The following PRKDC variants were observed in gnomAD, a reference collection of about 807,000 sequenced individuals.
The protein encoded by PRKDC is protein kinase, DNA-activated, catalytic subunit.
In PRKDC, 82 loss-of-function variants were observed where a neutral mutation model predicts 486.9. That is an observed-to-expected ratio of 0.17 (90% CI 0.14 to 0.20). The LOEUF is 0.20. PRKDC is among the 10% of genes least tolerant of loss of function. The probability of loss-of-function intolerance (pLI) is 1.00; values close to 1 mark genes in which losing one functional copy is unlikely to be tolerated. For synonymous variants in PRKDC, 1,895 were observed against 1,837.0 expected, an observed-to-expected ratio of 1.03 and a Z score of -0.81; for missense variants, 4,504 against 5,038.2, an observed-to-expected ratio of 0.89 and a Z score of 3.21.
chr8:47,856,540 A>G (rs1189408085), intron 49 of PRKDC, among the ~76,000 whole-genome samples: 1 of 152,130 alleles, frequency 6.6e-6, no homozygotes, highest in Non-Finnish European at 1.5e-5. Context: ...CCGCATGTGT[A>G]TATTATATTT....
At chr8:47,813,297 T>C (rs2087373830) in intron 68 of PRKDC, among the ~76,000 whole-genome samples, 1 of 151,946 alleles carries the variant, frequency 6.6e-6, no homozygotes, top group Non-Finnish European at 1.5e-5. Flanking sequence ...TTTGTATTTT[T>C]AGTAGAGGCA....
intron 51 of PRKDC, among the ~76,000 whole-genome samples, chr8:47,853,029 C>T (rs1400973666): frequency 6.6e-6 from 1 of 152,236 alleles, no homozygotes; most frequent in Non-Finnish European, 1.5e-5. Context: ...TGCAGCTGGA[C>T]CATCCCACAA....
At chr8:47,942,377 G>A (rs1257430628) in intron 10 of PRKDC, among the ~76,000 whole-genome samples, 2 of 152,172 alleles carry the variant, frequency 1.3e-5, no homozygotes, top group East Asian at 1.9e-4. Context: ...AGGGACAGGC[G>A]GCAGAGGCAG....
chr8:47,852,864 T>C, intron 51 of PRKDC, 80 bp from the exon 52 acceptor site: 1 of 942,950 alleles, frequency 1.1e-6, no homozygotes, highest in South Asian at 1.5e-5. Flanking sequence ...ATTTTCCTTC[T>C]CATGTCATAT....
intron 10 of PRKDC, among the ~76,000 whole-genome samples, chr8:47,940,785 C>G (rs1279313191): frequency 2.0e-5 from 3 of 152,130 alleles, no homozygotes; most frequent in African/African-American, 7.2e-5. Flanking sequence ...CAGTAGCAGA[C>G]AGAGGACAGA....
At position 47,862,072 on chromosome 8, in the gene PRKDC, A is replaced by G; in HGVS notation, c.5975T>C (p.Val1992Ala). 1 of 1,551,884 alleles carries G rather than the reference A, an allele frequency of 6.4e-7. No individual in the cohort carries two copies. The highest frequency in any genetic ancestry group is 8.7e-7 in the Non-Finnish European group (1 of 1,146,138). ...IDLKRRYNFP[V>A]EVEVPMERKK... ...GAAAATTTCACTCACCTCAACTTCT[A>G]CAGGAAAATTATAGCGGCGCTTCAG... is the stretch of plus-strand genomic sequence containing the variant. Residue 1992 changes from valine to alanine, a missense_variant, in exon 44 of 86, where the codon GTA (valine) becomes GCA (alanine). Coordinates refer to ENST00000314191, the MANE Select transcript of PRKDC (RefSeq NM_006904.7).
chr8:47,836,961 T>G (rs964605172), intron 57 of PRKDC, among the ~76,000 whole-genome samples: 16 of 152,170 alleles, frequency 1.1e-4, no homozygotes, highest in African/African-American at 3.9e-4. Context: ...AAGCTCAGCA[T>G]CCACTGTGGA....
intron 61 of PRKDC, among the ~76,000 whole-genome samples, chr8:47,829,665 C>T (rs1422056864): frequency 6.6e-6 from 1 of 151,938 alleles, no homozygotes; most frequent in East Asian, 1.9e-4. Flanking sequence ...AGCACAATCC[C>T]GTTTACAACA....
At position 47,864,751 on chromosome 8, in the gene PRKDC, G is replaced by T; in HGVS notation, c.5376C>A (p.Val1792=). The change falls in exon 41 of 86, where the codon GTC becomes GTA. Residue 1792 remains valine, a synonymous_variant. Coordinates refer to ENST00000314191, the MANE Select transcript of PRKDC (RefSeq NM_006904.7). ...FRRIARRGSC[V]TQVGLLESVY... ...CGCTTTCCAGAAGGCCTACTTGTGT[G>T]ACACATGAACCCCTAAGAAAACAAG... The T allele has an allele frequency of 6.3e-7, 1 of 1,592,528 alleles. No homozygotes were observed. Among genetic ancestry groups the T allele is most frequent in the South Asian group, 1.1e-5 (1 of 87,838 alleles).
At chr8:47,920,008 G>C (rs10481294) in intron 21 of PRKDC, among the ~76,000 whole-genome samples, 34,203 of 152,106 alleles carry the variant, frequency 0.22, 7,498 homozygotes, top group African/African-American at 0.56. Flanking sequence ...ATAGCATGAG[G>C]CATCTGTGCC....
rs1186603918 is a variant in PRKDC, at chr8:47,798,149, C to G, written c.10458+88G>C. 2.9e-6 allele frequency: 4 copies of G among 1,373,004 alleles called. No homozygotes were observed. The African/African-American group carries it at 5.8e-5, about 20-fold the overall frequency. 85.1% of individuals were successfully genotyped at this position (1,373,004 alleles called of 1,614,324 possible). A position where few individuals can be genotyped will look rare whatever the true frequency, so the allele number is the denominator to read the frequency against. On this transcript the variant is annotated intron_variant, in intron 73 of 85. Transcript: ENST00000314191. Reference sequence around the variant, plus strand: ...GCTGGGAAAAGCTATAATACATGCACTGCACACACTAACGCGTTTGAATAT... The same window carrying G: ...GCTGGGAAAAGCTATAATACATGCAGTGCACACACTAACGCGTTTGAATAT...
Position 47,892,341 on chromosome 8 carries a change from T to A in PRKDC, c.3847+798A>T, listed in dbSNP as rs536423781. On this transcript the variant is annotated intron_variant, in intron 31 of 85. Coordinates refer to ENST00000314191, the MANE Select transcript of PRKDC (RefSeq NM_006904.7). ...AATATAATAGTAACACAGAAGAAAA[T>A]TTTTTTTGAGACACGGTCTCACTCT... is the stretch of plus-strand genomic sequence containing the variant. 2.4e-4 allele frequency among the ~76,000 whole-genome samples: 36 copies of A among 151,902 alleles called. 3 individuals are homozygous for A. Among genetic ancestry groups the A allele is most frequent in the African/African-American group, 8.4e-4 (35 of 41,450 alleles).
rs2089320891 is a variant in PRKDC at position 47,886,034 on chromosome 8, C to G, written c.4686G>C (p.Leu1562Phe). The change falls in exon 36 of 86, where the codon TTG becomes TTC. Residue 1562 changes from leucine to phenylalanine, a missense_variant. Physicochemically the swap from Leu to Phe is conservative, Grantham distance 22. Coordinates refer to ENST00000314191, the MANE Select transcript of PRKDC (RefSeq NM_006904.7). ...HFSHGEYFYS[L>F]FSETINTELL... ...ATTCCGTGTTGATCGTTTCTGAGAA[C>G]AAGCTATAGAAATACTCCCCATGGG... 1 of 1,613,818 alleles carries G rather than the reference C, an allele frequency of 6.2e-7. No homozygotes were observed. The highest frequency in any genetic ancestry group is 8.5e-7 in the Non-Finnish European group (1 of 1,179,900).
At chr8:47,931,848 T>C (rs2090260624) in intron 16 of PRKDC, among the ~76,000 whole-genome samples, 1 of 152,192 alleles carries the variant, frequency 6.6e-6, no homozygotes, top group Admixed American at 6.5e-5. Flanking sequence ...TTACCACCAA[T>C]GCCTCGGACC....
At chr8:47,957,478 C>T (rs2090724074) in intron 1 of PRKDC, 47 bp from the exon 2 acceptor site, 2 of 1,430,656 alleles carry the variant, frequency 1.4e-6, no homozygotes, top group East Asian at 4.9e-5. Flanking sequence ...CCAAGAGCAT[C>T]ATGTAAACCA....
At chr8:47,783,427 A>C (rs776523523) in intron 78 of PRKDC, among the ~76,000 whole-genome samples, 1 of 151,980 alleles carries the variant, frequency 6.6e-6, no homozygotes, top group Non-Finnish European at 1.5e-5. Context: ...GTCTCTACTA[A>C]AAATTCAAAA....
At chr8:47,874,022 A>G (rs1205843601) in intron 40 of PRKDC, among the ~76,000 whole-genome samples, 1 of 140,148 alleles carries the variant, frequency 7.1e-6, no homozygotes, top group East Asian at 2.1e-4. Context: ...AGTCTCGCTC[A>G]GTCACCTGCC....
intron 7 of PRKDC, among the ~76,000 whole-genome samples, chr8:47,948,508 G>A (rs1460241048): frequency 1.4e-5 from 2 of 146,366 alleles, no homozygotes; most frequent in African/African-American, 5.1e-5. Context: ...CGCCCAGGCT[G>A]GAGTGCAATG....
intron 70 of PRKDC, 40 bp from the exon 71 acceptor site, chr8:47,801,026 T>C (rs2087097641): frequency 1.9e-6 from 3 of 1,551,330 alleles, no homozygotes; most frequent in Non-Finnish European, 2.7e-6. Context: ...AAATTTTGTA[T>C]GTGTGTGTGG....
Sources: allele counts gnomAD v4.1 joint callset (sites outside exome capture counted in the v4.1 genomes callset), GRCh38; gene constraint gnomAD v4.1.1; transcripts MANE v1.5; gene names NCBI Gene and HGNC (gene_info 2026-07-23, HGNC 2026-07-21).